Variants in TMEM178B observed in about 807,000 individuals in gnomAD.
TMEM178B encodes the protein transmembrane protein 178B.
Under a neutral mutation model 31.0 loss-of-function variants are expected in TMEM178B, and 5 were observed. The observed-to-expected ratio is 0.16, with a 90% CI of 0.08 to 0.34. The LOEUF is 0.34. TMEM178B is among the 10% of genes least tolerant of loss of function. TMEM178B has a pLI of 1.00. For synonymous variants in TMEM178B, 164 were observed against 164.0 expected, an observed-to-expected ratio of 1.00 and a Z score of 0.00; for missense variants, 275 against 400.3, an observed-to-expected ratio of 0.69 and a Z score of 2.67.
chr7:141,125,820 T>G (rs1039631112), intron 1 of TMEM178B, among the ~76,000 whole-genome samples: 1 of 152,226 alleles, frequency 6.6e-6, no homozygotes, highest in Non-Finnish European at 1.5e-5. Context: ...GAAGTCAGTT[T>G]GCTAGAAAAT....
rs1802232026 is a variant in TMEM178B, at chr7:141,471,012, T to A, written c.*226T>A. ...TCTTGACTTTTGGCTTCATGGTCTC[T>A]TGAAGACAGAGCAAACACCACCACT... On this transcript the variant is annotated 3_prime_UTR_variant, in exon 4 of 4. Coordinates refer to ENST00000565468, the MANE Select transcript of TMEM178B (RefSeq NM_001195278.2). This position sits in a 1 kb window ranked among gnomAD's most constrained non-coding sequence, Gnocchi z 4.1. 6.2e-6 allele frequency: 1 copy of A among 160,172 alleles called. No homozygotes were observed. Among genetic ancestry groups the A allele is most frequent in the African/African-American group, 2.4e-5 (1 of 41,554 alleles). 9.9% of individuals were successfully genotyped at this position (160,172 alleles called of 1,614,324 possible).
Position 141,377,372 on chromosome 7 carries a change from C to T in TMEM178B, c.497-60236C>T, listed in dbSNP as rs183571267. Among the ~76,000 whole-genome samples, 372 of 151,840 alleles carry T rather than the reference C, an allele frequency of 2.4e-3. 1 individual carries two copies. The highest frequency in any genetic ancestry group is 6.6e-3 in the African/African-American group (273 of 41,448). On this transcript the variant is annotated intron_variant, in intron 2 of 3. Transcript: ENST00000565468. The stretch of plus-strand genomic sequence containing the variant: ...CTAATTTTTGTATTTTTAGCAGGGA[C>T]GGGGTTTCACCACGTTGGCCGGCTG...
intron 3 of TMEM178B, among the ~76,000 whole-genome samples, chr7:141,439,058 A>G (rs1801608447): frequency 6.6e-6 from 1 of 152,096 alleles, no homozygotes. Context: ...GGAGAGAGCC[A>G]TGCTGGCTCT....
At chr7:141,166,526 G>C (rs1796264843) in intron 1 of TMEM178B, among the ~76,000 whole-genome samples, 1 of 152,136 alleles carries the variant, frequency 6.6e-6, no homozygotes, top group African/African-American at 2.4e-5. Context: ...AGATGGGGTG[G>C]GCTAGAAAGC....
intron 2 of TMEM178B, among the ~76,000 whole-genome samples, chr7:141,320,969 TG>T (rs1323783944): frequency 3.9e-5 from 6 of 152,132 alleles, no homozygotes; most frequent in African/African-American, 1.4e-4. Context: ...GAAATTGAGA[TG>T]TTTTTCAGTT....
At chr7:141,368,643 T>C (rs1397901876) in intron 2 of TMEM178B, among the ~76,000 whole-genome samples, 1 of 152,220 alleles carries the variant, frequency 6.6e-6, no homozygotes, top group East Asian at 1.9e-4. Flanking sequence ...TGTTGATTTT[T>C]CCCGATGGAT....
intron 2 of TMEM178B, among the ~76,000 whole-genome samples, chr7:141,353,379 T>C (rs1046851970): frequency 2.6e-5 from 4 of 152,148 alleles, no homozygotes; most frequent in Non-Finnish European, 5.9e-5. Context: ...CACCCCACCG[T>C]CTCTCCAGGC....
chr7:141,211,120 A>C (rs1272231832), intron 1 of TMEM178B, among the ~76,000 whole-genome samples: 1 of 152,064 alleles, frequency 6.6e-6, no homozygotes, highest in East Asian at 1.9e-4. Flanking sequence ...CAAGTTAAGG[A>C]AGGAGGATGA....
Position 141,450,508 on chromosome 7 carries a change from T to A in TMEM178B, c.634+12763T>A, listed in dbSNP as rs567486457. On this transcript the variant is annotated intron_variant, in intron 3 of 3. Coordinates refer to ENST00000565468, the MANE Select transcript of TMEM178B (RefSeq NM_001195278.2). ...AAATTATTAAAACAAAAGAATTTTG[T>A]GTTGTTTCAGCAGAAAAGAGGACAT... Among the ~76,000 whole-genome samples, 5 of 152,340 alleles carry A rather than the reference T, an allele frequency of 3.3e-5. No homozygotes were observed. In the East Asian group the frequency reaches 9.6e-4, roughly 29 times the overall value.
intron 2 of TMEM178B, among the ~76,000 whole-genome samples, chr7:141,280,394 T>C (rs1396432386): frequency 2.6e-5 from 4 of 152,156 alleles, no homozygotes; most frequent in African/African-American, 9.7e-5. Context: ...AACAGAATCA[T>C]GGGGGTGGTT....
intron 1 of TMEM178B, among the ~76,000 whole-genome samples, chr7:141,077,221 A>G (rs1794613049): frequency 6.6e-6 from 1 of 152,266 alleles, no homozygotes; most frequent in African/African-American, 2.4e-5. Flanking sequence ...CACATTATTC[A>G]TTAGAAACCG....
chr7:141,144,903 G>A (rs1427000932), intron 1 of TMEM178B, among the ~76,000 whole-genome samples: 5 of 152,162 alleles, frequency 3.3e-5, no homozygotes, highest in Admixed American at 3.3e-4. Context: ...CAGGGTGGCT[G>A]AGGCTGCAGG....
chr7:141,294,373 A>G (rs1471699489), intron 2 of TMEM178B, among the ~76,000 whole-genome samples: 1 of 152,146 alleles, frequency 6.6e-6, no homozygotes, highest in Non-Finnish European at 1.5e-5. Flanking sequence ...GAGACTTAGG[A>G]TCTCAGACCC....
At chr7:141,507,774 G>T in the TMEM178B span, among the ~76,000 whole-genome samples, 1 of 152,222 alleles carries the variant, frequency 6.6e-6, no homozygotes, top group Non-Finnish European at 1.5e-5. Flanking sequence ...CAAGCTGTAT[G>T]TTGGCCCCTT....
At chr7:141,292,416 T>G (rs1047091093) in intron 2 of TMEM178B, among the ~76,000 whole-genome samples, 2 of 152,314 alleles carry the variant, frequency 1.3e-5, no homozygotes, top group East Asian at 3.9e-4. Context: ...TAAAGAATCA[T>G]TCCTCAAGCA....
chr7:141,138,063 A>ATTT lies in TMEM178B; in HGVS notation c.382+63385_382+63387dup, dbSNP rs202146160. ...TTCATGAGATCTCTTTTAAAATTCA[A>ATTT]TTTTTTTTTTTTTTTTGAGACAGAG... On this transcript the variant is annotated intron_variant, in intron 1 of 3. Coordinates refer to ENST00000565468, the MANE Select transcript of TMEM178B (RefSeq NM_001195278.2). 9.6e-4 allele frequency among the ~76,000 whole-genome samples: 136 copies of ATTT among 141,386 alleles called. 2 individuals carry two copies. Among genetic ancestry groups the ATTT allele is most frequent in the African/African-American group, 3.3e-3 (128 of 38,392 alleles). 92.8% of individuals were successfully genotyped at this position (141,386 alleles called of 152,430 possible).
chr7:141,462,074 G>C (rs1052205407), intron 3 of TMEM178B, among the ~76,000 whole-genome samples: 7 of 152,236 alleles, frequency 4.6e-5, no homozygotes, highest in African/African-American at 9.6e-5. Flanking sequence ...CACTGATGTC[G>C]TCACTACAAC....
In TMEM178B at chr7:141,357,762, A is replaced by G. The variant is rs552199996; in HGVS notation, c.497-79846A>G. Among the ~76,000 whole-genome samples the G allele has an allele frequency of 1.1e-3, 175 of 152,362 alleles. 1 individual carries two copies. The highest frequency in any genetic ancestry group is 4.0e-3 in the African/African-American group (166 of 41,586). ...AATAAAGAAACACATATATCACTACATCACCAATTTTTAATACAAGTGTTT... is the reference window on the plus strand; with the variant it reads ...AATAAAGAAACACATATATCACTACGTCACCAATTTTTAATACAAGTGTTT... On this transcript the variant is annotated intron_variant, in intron 2 of 3. Coordinates refer to ENST00000565468, the MANE Select transcript of TMEM178B (RefSeq NM_001195278.2).
chr7:141,115,341 G>A (rs1220592295), intron 1 of TMEM178B, among the ~76,000 whole-genome samples: 1 of 151,982 alleles, frequency 6.6e-6, no homozygotes, highest in African/African-American at 2.4e-5. Context: ...ATGCCTGGCT[G>A]GATCCATGGG....
Sources: allele counts gnomAD v4.1 joint callset (sites outside exome capture counted in the v4.1 genomes callset), GRCh38; gene constraint gnomAD v4.1.1; non-coding constraint Gnocchi (gnomAD v3.1); transcripts MANE v1.5; gene names NCBI Gene and HGNC (gene_info 2026-07-23, HGNC 2026-07-21).